The following CYP4B1 variants were observed in gnomAD, a reference collection of about 807,000 sequenced individuals.
CYP4B1 encodes cytochrome P450 family 4 subfamily B member 1, also known as cytochrome P450 4B1.
CYP4B1 carries 45 observed loss-of-function variants against 54.0 expected under a neutral mutation model. The ratio of observed to expected loss-of-function variants is 0.83; its 90% CI spans 0.66 to 1.07. The LOEUF is 1.07. Ranked by LOEUF, CYP4B1 falls within the 50% of genes least tolerant of loss-of-function variation. The pLI is 0.00. For missense variants in CYP4B1, 656 were observed against 655.4 expected (o/e 1.00, Z -0.01); for synonymous variants, 248 against 247.5 (o/e 1.00, Z -0.02).
At chr1:46,805,640 G>T (rs1678828558) in intron 1 of CYP4B1, among the ~76,000 whole-genome samples, 1 of 152,138 alleles carries the variant, frequency 6.6e-6, no homozygotes, top group African/African-American at 2.4e-5. Context: ...CTCTTTCCAG[G>T]CTCTCCATGG....
intron 8 of CYP4B1, among the ~76,000 whole-genome samples, chr1:46,815,614 G>C (rs550637582): frequency 6.6e-6 from 1 of 152,288 alleles, no homozygotes; most frequent in Admixed American, 6.5e-5. Context: ...TGGAAATGTG[G>C]GGGTGAACAG....
Position 46,818,005 on chromosome 1 carries a change from C to G in CYP4B1, c.1248C>G (p.Asn416Lys). The G allele has an allele frequency of 3.7e-6, 6 of 1,614,206 alleles. No individual in the cohort carries two copies. Among genetic ancestry groups the G allele is most frequent in the Non-Finnish European group, 5.1e-6 (6 of 1,180,010 alleles). ...ISMHIYALHR[N>K]SAVWPDPEVF... ...TGCATATCTATGCCCTCCATAGGAA[C>G]AGTGCTGTATGGCCCGACCCTGAGG... The change falls in exon 10 of 12, where the codon AAC (asparagine) becomes AAG (lysine). Residue 416 changes from asparagine (N) to lysine (K), a missense_variant. Physicochemically the swap from Asn to Lys is moderately conservative, Grantham distance 94. Coordinates refer to ENST00000371923, the MANE Select transcript of CYP4B1 (RefSeq NM_001099772.2).
chr1:46,800,816 C>A (rs1025994286), intron 1 of CYP4B1, among the ~76,000 whole-genome samples: 2 of 152,118 alleles, frequency 1.3e-5, no homozygotes, highest in African/African-American at 4.8e-5. Flanking sequence ...CTGAAGACAT[C>A]CAGGAAAGGA....
intron 1 of CYP4B1, among the ~76,000 whole-genome samples, chr1:46,808,075 C>A (rs892123494): frequency 6.6e-6 from 1 of 152,050 alleles, no homozygotes; most frequent in Admixed American, 6.5e-5. Flanking sequence ...CTTTAGGAAA[C>A]TGCTATTCAT....
intron 1 of CYP4B1, among the ~76,000 whole-genome samples, chr1:46,809,360 C>T (rs1679003141): frequency 6.6e-6 from 1 of 152,114 alleles, no homozygotes; most frequent in Non-Finnish European, 1.5e-5. Context: ...TAGGAGGGGA[C>T]AAATGTCCAA....
chr1:46,800,317 T>C (rs864488), intron 1 of CYP4B1, among the ~76,000 whole-genome samples: 89,178 of 101,280 alleles, frequency 0.88, 40,455 homozygotes, highest in East Asian at 0.98. Flanking sequence ...TTCCTTCTCT[T>C]TCTCTCTCTC....
At chr1:46,811,871 T>C (rs1679113438) in intron 3 of CYP4B1, among the ~76,000 whole-genome samples, 1 of 152,200 alleles carries the variant, frequency 6.6e-6, no homozygotes, top group African/African-American at 2.4e-5. Context: ...GGAGAACACA[T>C]TCCCAATCCT....
At chr1:46,804,672 A>G (rs1678789093) in intron 1 of CYP4B1, among the ~76,000 whole-genome samples, 1 of 152,072 alleles carries the variant, frequency 6.6e-6, no homozygotes, top group South Asian at 2.1e-4. Context: ...CAGGTCTGCC[A>G]GCTGACTTTT....
At chr1:46,810,023 C>T (rs566753189) in intron 1 of CYP4B1, among the ~76,000 whole-genome samples, 43 of 152,256 alleles carry the variant, frequency 2.8e-4, no homozygotes, top group African/African-American at 1.0e-3. Flanking sequence ...GGTGACTGTC[C>T]CACCATGGGG....
rs139984994 is a variant in CYP4B1, at chr1:46,807,697, G to A, written c.181-3111G>A. On this transcript the variant is annotated intron_variant, in intron 1 of 11. Coordinates refer to ENST00000371923, the MANE Select transcript of CYP4B1 (RefSeq NM_001099772.2). Reference sequence around the variant, plus strand: ...TGTTGGGTTGAACTCAGGATTCTGCGTTCAGAGGCAGTGAGGGAAGGGATC... The same window carrying A: ...TGTTGGGTTGAACTCAGGATTCTGCATTCAGAGGCAGTGAGGGAAGGGATC... Among the ~76,000 whole-genome samples, 1,136 of 152,308 alleles carry A rather than the reference G, an allele frequency of 7.5e-3. 8 individuals carry two copies. Among genetic ancestry groups the A allele is most frequent in the African/African-American group, 0.026 (1,084 of 41,574 alleles).
chr1:46,809,324 T>C (rs1004358777), intron 1 of CYP4B1, among the ~76,000 whole-genome samples: 5 of 152,116 alleles, frequency 3.3e-5, no homozygotes, highest in African/African-American at 1.2e-4. Context: ...ACCTCCAACA[T>C]TGGAGATCAG....
In CYP4B1 at chr1:46,812,521, GCCCA is replaced by G; in HGVS notation, c.394_397del (p.Pro132SerfsTer18). The stretch of plus-strand genomic sequence containing the variant: ...GGAGAGGCCTGCTGGTTCTTGAGGG[GCCCA>G]AGTGGTTGCAGCACCGCAAGCTGCT... On this transcript the variant is annotated frameshift_variant, in exon 4 of 12. Transcript: ENST00000371923. LOFTEE classifies it high-confidence loss of function. 6.2e-7 allele frequency: 1 copy of G among 1,613,756 alleles called. No homozygotes were observed. Among genetic ancestry groups the G allele is most frequent in the Non-Finnish European group, 8.5e-7 (1 of 1,179,880 alleles).
At chr1:46,809,402 A>C (rs1236832466) in intron 1 of CYP4B1, among the ~76,000 whole-genome samples, 2 of 152,222 alleles carry the variant, frequency 1.3e-5, no homozygotes, top group African/African-American at 4.8e-5. Flanking sequence ...TTCCCTTCCT[A>C]ATTTGTTTGG....
chr1:46,809,232 C>T (rs1419439626), intron 1 of CYP4B1, among the ~76,000 whole-genome samples: 1 of 151,998 alleles, frequency 6.6e-6, no homozygotes, highest in African/African-American at 2.4e-5. Context: ...ACTAAGAGAA[C>T]TCACTCAATC....
At position 46,818,232 on chromosome 1, in the gene CYP4B1, T is replaced by C; in HGVS notation, c.1355+19T>C. On this transcript the variant is annotated intron_variant, in intron 11 of 11. Transcript: ENST00000371923. ...GGCCCAGGTATGGAGAGACCCAGTA[T>C]CCCAGGCCCTCAGGACTGGGGAGGA... 6.2e-7 allele frequency: 1 copy of C among 1,608,378 alleles called. No individual in the cohort carries two copies. Among genetic ancestry groups the C allele is most frequent in the South Asian group, 1.1e-5 (1 of 90,942 alleles).
At chr1:46,817,254 A>C in intron 9 of CYP4B1, 73 bp downstream of exon 9, 1 of 1,583,338 alleles carries the variant, frequency 6.3e-7, no homozygotes, top group Non-Finnish European at 8.6e-7. Flanking sequence ...GCCTTTAGTC[A>C]AATCTTTGCA....
intron 8 of CYP4B1, among the ~76,000 whole-genome samples, chr1:46,816,062 G>A (rs1679321998): frequency 6.6e-6 from 1 of 152,204 alleles, no homozygotes; most frequent in African/African-American, 2.4e-5. Context: ...CCTGGAGTAT[G>A]AAGCCTCCAT....
intron 1 of CYP4B1, among the ~76,000 whole-genome samples, chr1:46,810,261 A>G (rs990269608): frequency 1.3e-5 from 2 of 151,982 alleles, no homozygotes; most frequent in African/African-American, 2.4e-5. Flanking sequence ...AGCACTCACT[A>G]TTGTCTGTGA....
intron 9 of CYP4B1, 132 bp downstream of exon 9, chr1:46,817,313 A>G (rs1679376513): frequency 9.8e-7 from 1 of 1,025,182 alleles, no homozygotes; most frequent in African/African-American, 1.6e-5. Context: ...CTGGGTCTAA[A>G]TCCCAGCCCC....
Sources: gnomAD v4.1 joint callset for allele counts (sites outside exome capture counted in the v4.1 genomes callset) on GRCh38, gnomAD v4.1.1 for gene constraint, MANE v1.5 for transcripts, NCBI Gene and HGNC (gene_info 2026-07-23, HGNC 2026-07-21) for gene names.